Variants in KCNJ4 observed in about 807,000 individuals in gnomAD.
KCNJ4 encodes inward rectifier potassium channel 4.
Under a neutral mutation model 25.6 loss-of-function variants are expected in KCNJ4, and 3 were observed. The observed-to-expected ratio is 0.12, with a 90% CI of 0.05 to 0.30. KCNJ4 has a LOEUF of 0.30. KCNJ4 is among the 10% of genes least tolerant of loss of function. KCNJ4 has a pLI of 1.00. For synonymous variants in KCNJ4, 257 were observed against 283.9 expected, an observed-to-expected ratio of 0.91 and a Z score of 0.95; for missense variants, 286 against 666.8, an observed-to-expected ratio of 0.43 and a Z score of 6.29.
chr22:38,428,308 G>T, intron 1 of KCNJ4, 137 bp from the exon 2 acceptor site: 3 of 805,546 alleles, frequency 3.7e-6, no homozygotes, highest in Non-Finnish European at 5.8e-6. Flanking sequence ...CCGGCAGGCG[G>T]AGGGTGGCAG....
chr22:38,433,653 C>T (rs1194229684), intron 1 of KCNJ4, among the ~76,000 whole-genome samples: 1 of 152,138 alleles, frequency 6.6e-6, no homozygotes, highest in Non-Finnish European at 1.5e-5. Flanking sequence ...CATCCAAAAT[C>T]TGCAAGTCTT....
Position 38,426,846 on chromosome 22 carries a change from C to T in KCNJ4, c.1287G>A (p.Gln429=). ...AGATGTTGTCCAGCGGGAGGGAAGC[C>T]TGCATGCGCTCCAGGTCCAGGTGGC... ...FGSHLDLERM[Q]ASLPLDNISY... The change falls in exon 2 of 2, where the codon CAG becomes CAA. Residue 429 remains glutamine, a synonymous_variant. Transcript: ENST00000303592. 1 of 1,613,558 alleles carries T rather than the reference C, an allele frequency of 6.2e-7. No individual in the cohort carries two copies. The highest frequency in any genetic ancestry group is 1.1e-5 in the South Asian group (1 of 91,062).
At chr22:38,435,400 T>G (rs895484265) in intron 1 of KCNJ4, among the ~76,000 whole-genome samples, 1 of 152,118 alleles carries the variant, frequency 6.6e-6, no homozygotes, top group Admixed American at 6.5e-5. Context: ...CTGGAAGAAA[T>G]AGACAGAATT....
Position 38,426,627 on chromosome 22 carries a change from G to C in KCNJ4, c.*168C>G, listed in dbSNP as rs2093033169. 1.2e-6 allele frequency: 1 copy of C among 838,794 alleles called. No homozygotes were observed. The highest frequency in any genetic ancestry group is 1.8e-5 in the South Asian group (1 of 57,018). The allele number at this position is 838,794 out of a possible 1,614,324, so 52.0% of individuals were successfully genotyped here. On this transcript the variant is annotated 3_prime_UTR_variant, in exon 2 of 2. Transcript: ENST00000303592. The stretch of plus-strand genomic sequence containing the variant: ...CGGGGCCGAGCTCTTCCCAGGCCTG[G>C]GTGCTGGAGTCAGGAGGAAGGGGTC...
intron 1 of KCNJ4, among the ~76,000 whole-genome samples, chr22:38,428,940 C>G (rs1351689699): frequency 6.6e-6 from 1 of 151,866 alleles, no homozygotes; most frequent in African/African-American, 2.4e-5. Flanking sequence ...GAAAATTAGC[C>G]AGGCATGGTG....
rs199815528 is a variant in KCNJ4, at chr22:38,426,993, C to A, written c.1140G>T (p.Met380Ile). 1.2e-6 allele frequency: 2 copies of A among 1,612,684 alleles called. No individual in the cohort carries two copies. The highest frequency in any genetic ancestry group is 1.7e-6 in the Non-Finnish European group (2 of 1,179,866). Reference sequence around the variant, plus strand: ...CCTCCATCTCCTCTTCCTCCTGGCTCATAAGGGCCAGCTCGTTCTCGTAGC... The same window carrying A: ...CCTCCATCTCCTCTTCCTCCTGGCTAATAAGGGCCAGCTCGTTCTCGTAGC... ...AFCYENELAL[M>I]SQEEEEMEEE... The change falls in exon 2 of 2, where the codon ATG becomes ATT. Residue 380 changes from methionine (M) to isoleucine (I), a missense_variant. Coordinates refer to ENST00000303592, the MANE Select transcript of KCNJ4 (RefSeq NM_152868.3).
At position 38,440,651 on chromosome 22, in the gene KCNJ4, G is replaced by C. The variant is rs572902707; in HGVS notation, c.-39-12480C>G. The stretch of plus-strand genomic sequence containing the variant: ...TGAAGTCTGCACTGTCCAGAGTGCA[G>C]TGCCAGTCGCTGTGATGAGGTATAT... On this transcript the variant is annotated intron_variant, in intron 1 of 1. Coordinates refer to ENST00000303592, the MANE Select transcript of KCNJ4 (RefSeq NM_152868.3). Among the ~76,000 whole-genome samples the C allele has an allele frequency of 1.6e-4, 24 of 152,374 alleles. No homozygotes were observed. The South Asian group carries it at 5.0e-3, about 32-fold the overall frequency.
At chr22:38,452,735 C>G (rs2089417470) in intron 1 of KCNJ4, among the ~76,000 whole-genome samples, 1 of 151,984 alleles carries the variant, frequency 6.6e-6, no homozygotes, top group African/African-American at 2.4e-5. Flanking sequence ...TGCCCTACAG[C>G]CCCGAGGTGC....
chr22:38,443,874 G>A lies in KCNJ4; in HGVS notation c.-40+11106C>T, dbSNP rs2089355044. On this transcript the variant is annotated intron_variant, in intron 1 of 1. Transcript: ENST00000303592. The surrounding 1 kb of genome is among the most constrained non-coding windows in gnomAD (Gnocchi z 4.1). ...CTCGTCTCCCCAGGGCACTCGGGAT[G>A]AACGCCCCGCCTCAGAGAGGTCCTG... Among the ~76,000 whole-genome samples, 1 of 152,086 alleles carries A rather than the reference G, an allele frequency of 6.6e-6. No homozygotes were observed. Among genetic ancestry groups the A allele is most frequent in the Non-Finnish European group, 1.5e-5 (1 of 68,030 alleles).
At chr22:38,428,195 T>G (rs2145930727) in intron 1 of KCNJ4, 24 bp from the exon 2 acceptor site, 1 of 1,546,386 alleles carries the variant, frequency 6.5e-7, no homozygotes, top group South Asian at 1.2e-5. Flanking sequence ...GCCGGACAGG[T>G]GAGATGCTGG....
chr22:38,446,213 G>C (rs557020056), intron 1 of KCNJ4, among the ~76,000 whole-genome samples: 1 of 152,362 alleles, frequency 6.6e-6, no homozygotes, highest in African/African-American at 2.4e-5. Context: ...CCCGCCCGTG[G>C]CTGGCTGGCC....
chr22:38,451,350 CCTCCAG>C (rs1248933943), intron 1 of KCNJ4, among the ~76,000 whole-genome samples: 1 of 152,222 alleles, frequency 6.6e-6, no homozygotes, highest in Non-Finnish European at 1.5e-5. Flanking sequence ...TCTTGCTCCA[CCTCCAG>C]CTCTGGGAAT....
intron 1 of KCNJ4, among the ~76,000 whole-genome samples, chr22:38,439,175 T>TGCAATCCCAGCACTTTGGGA (rs2089314331): frequency 6.6e-6 from 1 of 151,866 alleles, no homozygotes; most frequent in South Asian, 2.1e-4. Context: ...ACCTGTGAGG[T>TGCAATCCCAGCACTTTGGGA]GCAATCCCAG....
chr22:38,435,012 C>G (rs1021905199), intron 1 of KCNJ4, among the ~76,000 whole-genome samples: 4 of 152,218 alleles, frequency 2.6e-5, no homozygotes, highest in Admixed American at 2.0e-4. Context: ...GATGCAGAAG[C>G]TGATGACCAA....
intron 1 of KCNJ4, among the ~76,000 whole-genome samples, chr22:38,436,298 T>C (rs2093065235): frequency 6.6e-6 from 1 of 152,158 alleles, no homozygotes; most frequent in African/African-American, 2.4e-5. Flanking sequence ...TCCCCTCAAT[T>C]TCAGATGCAG....
chr22:38,430,936 C>T (rs2093047839), intron 1 of KCNJ4, among the ~76,000 whole-genome samples: 2 of 152,234 alleles, frequency 1.3e-5, no homozygotes, highest in Admixed American at 1.3e-4. Context: ...AACAAGGCCT[C>T]ACCCCCACCC....
In KCNJ4 at chr22:38,426,739, G is replaced by C. The variant is rs2093033576; in HGVS notation, c.*56C>G. 6.5e-7 allele frequency: 1 copy of C among 1,538,852 alleles called. No homozygotes were observed. Among genetic ancestry groups the C allele is most frequent in the Admixed American group, 1.9e-5 (1 of 52,862 alleles). On this transcript the variant is annotated 3_prime_UTR_variant, in exon 2 of 2. Transcript: ENST00000303592. ...CCTGAGTGTGGGAGGGGGTGTCCTGGCATCCCACCCCCGGCAGAGGCTCTT... is the reference window on the plus strand; with the variant it reads ...CCTGAGTGTGGGAGGGGGTGTCCTGCCATCCCACCCCCGGCAGAGGCTCTT...
intron 1 of KCNJ4, among the ~76,000 whole-genome samples, chr22:38,435,638 A>G (rs1352611017): frequency 6.6e-6 from 1 of 151,004 alleles, no homozygotes; most frequent in Non-Finnish European, 1.5e-5. Context: ...GGCTGCAGTG[A>G]GCCAAGATCG....
intron 1 of KCNJ4, among the ~76,000 whole-genome samples, chr22:38,438,707 GAAA>G (rs1372721632): frequency 6.5e-5 from 3 of 45,888 alleles, no homozygotes; most frequent in Non-Finnish European, 1.5e-4. Flanking sequence ...AAGAAAAAAA[GAAA>G]GAAAGAAAGA....
Sources: gnomAD v4.1 joint callset for allele counts (sites outside exome capture counted in the v4.1 genomes callset) on GRCh38, gnomAD v4.1.1 for gene constraint, Gnocchi (gnomAD v3.1) non-coding constraint, MANE v1.5 for transcripts, NCBI Gene and HGNC (gene_info 2026-07-23, HGNC 2026-07-21) for gene names.